The following C12orf42 variants were observed in gnomAD, a reference collection of about 807,000 sequenced individuals.
C12orf42 encodes the protein chromosome 12 open reading frame 42.
C12orf42 carries 25 observed loss-of-function variants against 21.6 expected under a neutral mutation model. The ratio of observed to expected loss-of-function variants is 1.16; its 90% CI spans 0.84 to 1.62. The LOEUF (loss-of-function observed/expected upper bound fraction) is 1.62, where lower values mean the gene tolerates loss of function less well. Among genes scored for constraint, C12orf42 ranks in the 40% most tolerant of loss-of-function variants. The pLI is 0.00. For synonymous variants in C12orf42, 174 were observed against 175.0 expected (o/e 0.99, Z 0.05); for missense variants, 483 against 459.3 (o/e 1.05, Z -0.47).
chr12:103,495,451 T>C (rs1241548700), intron 1 of C12orf42, among the ~76,000 whole-genome samples: 1 of 150,248 alleles, frequency 6.7e-6, no homozygotes, highest in Non-Finnish European at 1.5e-5. Context: ...CCTTCCTGTA[T>C]TAGCATGCGG....
At chr12:103,435,383 G>A (rs894755169) in intron 2 of C12orf42, among the ~76,000 whole-genome samples, 8 of 152,174 alleles carry the variant, frequency 5.3e-5, no homozygotes, top group African/African-American at 7.2e-5. Flanking sequence ...CACCAGCAAC[G>A]GAACAAAGCT....
intron 10 of C12orf42, chr12:103,262,265 G>C (rs1405295974): frequency 6.6e-6 from 1 of 152,148 alleles, no homozygotes; most frequent in East Asian, 1.9e-4. Flanking sequence ...TACACATAAA[G>C]GTTTGTATTG....
the C12orf42 span, among the ~76,000 whole-genome samples, chr12:103,133,674 A>T: frequency 6.6e-6 from 1 of 152,254 alleles, no homozygotes; most frequent in African/African-American, 2.4e-5. Flanking sequence ...AATCAAAGTC[A>T]AAGTACCCAA....
intron 4 of C12orf42, among the ~76,000 whole-genome samples, chr12:103,328,720 C>T (rs1453873310): frequency 6.6e-6 from 1 of 152,168 alleles, no homozygotes; most frequent in Non-Finnish European, 1.5e-5. Flanking sequence ...TGAATGACCT[C>T]TCAGAGCAGT....
chr12:103,553,375 C>A, the C12orf42 span, among the ~76,000 whole-genome samples: 2 of 152,132 alleles, frequency 1.3e-5, no homozygotes, highest in Non-Finnish European at 2.9e-5. Flanking sequence ...CCGTCCTCCC[C>A]TGGAGATGGT....
chr12:103,320,434 T>C (rs1307041706), intron 4 of C12orf42, among the ~76,000 whole-genome samples: 1 of 152,162 alleles, frequency 6.6e-6, no homozygotes, highest in Non-Finnish European at 1.5e-5. Flanking sequence ...TCCATGAAAT[T>C]TCCATCAGTA....
At chr12:103,364,186 G>A (rs1033883250) in intron 4 of C12orf42, among the ~76,000 whole-genome samples, 1 of 151,922 alleles carries the variant, frequency 6.6e-6, no homozygotes, top group African/African-American at 2.4e-5. Flanking sequence ...ATCAACTCCA[G>A]AAAGAACTTT....
At chr12:103,135,638 C>T in the C12orf42 span, among the ~76,000 whole-genome samples, 1 of 152,006 alleles carries the variant, frequency 6.6e-6, no homozygotes, top group African/African-American at 2.4e-5. Context: ...TGAATGTAAA[C>T]ATAGAGGTGA....
At chr12:103,122,082 G>A in the C12orf42 span, among the ~76,000 whole-genome samples, 1 of 152,198 alleles carries the variant, frequency 6.6e-6, no homozygotes, top group East Asian at 1.9e-4. Flanking sequence ...GATGGTAATA[G>A]ACAGCAGAGT....
the C12orf42 span, among the ~76,000 whole-genome samples, chr12:103,084,770 A>C: frequency 6.6e-6 from 1 of 152,316 alleles, no homozygotes; most frequent in South Asian, 2.1e-4. Flanking sequence ...GACAGTAACA[A>C]CAACAACAAC....
At chr12:103,190,095 G>A in the C12orf42 span, among the ~76,000 whole-genome samples, 1 of 152,084 alleles carries the variant, frequency 6.6e-6, no homozygotes, top group Non-Finnish European at 1.5e-5. Flanking sequence ...AAGAGAAGCT[G>A]GTAGTGTGAC....
chr12:103,231,371 T>C, the C12orf42 span, among the ~76,000 whole-genome samples: 1 of 152,210 alleles, frequency 6.6e-6, no homozygotes, highest in African/African-American at 2.4e-5. Flanking sequence ...TTCTATGGGT[T>C]TGCATGAGTT....
chr12:103,491,274 T>C (rs920341030), intron 1 of C12orf42, among the ~76,000 whole-genome samples: 7 of 152,192 alleles, frequency 4.6e-5, no homozygotes, highest in African/African-American at 4.8e-5. Flanking sequence ...ATAATAATAT[T>C]TGTTGGGCTA....
At chr12:103,507,125 AT>A in the C12orf42 span, among the ~76,000 whole-genome samples, 3 of 19,472 alleles carry the variant, frequency 1.5e-4, no homozygotes, top group Admixed American at 1.0e-3. Flanking sequence ...ATATTTATAT[AT>A]AATATATATT....
the C12orf42 span, among the ~76,000 whole-genome samples, chr12:103,079,599 G>A: frequency 2.0e-5 from 3 of 152,174 alleles, no homozygotes; most frequent in African/African-American, 7.2e-5. Context: ...AGTTAGGATA[G>A]GTATGTTAAA....
the C12orf42 span, among the ~76,000 whole-genome samples, chr12:103,194,131 TAA>T: frequency 4.1e-5 from 6 of 147,312 alleles, no homozygotes; most frequent in African/African-American, 1.3e-4. Context: ...CATCTCATGC[TAA>T]AAAAAAAAAC....
the C12orf42 span, among the ~76,000 whole-genome samples, chr12:103,071,515 T>C: frequency 9.2e-5 from 14 of 152,234 alleles, no homozygotes; most frequent in African/African-American, 3.4e-4. Context: ...AAATCTCACC[T>C]TGAATTGTAA....
intron 4 of C12orf42, among the ~76,000 whole-genome samples, chr12:103,327,095 G>A (rs1434429835): frequency 6.6e-6 from 1 of 152,200 alleles, no homozygotes; most frequent in Non-Finnish European, 1.5e-5. Context: ...AGGGGACGAG[G>A]TAGGGGCACA....
At chr12:103,106,057 A>G in the C12orf42 span, among the ~76,000 whole-genome samples, 2 of 152,326 alleles carry the variant, frequency 1.3e-5, no homozygotes, top group East Asian at 1.9e-4. Context: ...CGGTGAATCC[A>G]TACCTGATAC....
Sources: allele counts gnomAD v4.1 joint callset (sites outside exome capture counted in the v4.1 genomes callset), GRCh38; gene constraint gnomAD v4.1.1; transcripts MANE v1.5; gene names NCBI Gene and HGNC (gene_info 2026-07-23, HGNC 2026-07-21).